Variants in ALK observed in about 807,000 individuals in gnomAD.
ALK encodes the protein ALK tyrosine kinase receptor.
Under a neutral mutation model 163.1 loss-of-function variants are expected in ALK, and 74 were observed. The observed-to-expected ratio is 0.45, with a 90% CI of 0.38 to 0.55. The LOEUF is 0.55. Among genes scored for constraint, ALK ranks in the 20% least tolerant of loss-of-function variants. ALK has a pLI of 0.00. For missense variants in ALK, 2,063 were observed against 2,105.3 expected, an observed-to-expected ratio of 0.98 and a Z score of 0.39; for synonymous variants, 960 against 843.2, an observed-to-expected ratio of 1.14 and a Z score of -2.40.
At chr2:29,320,554 G>C (rs924175807) in intron 7 of ALK, among the ~76,000 whole-genome samples, 197 bp downstream of exon 7, 10 of 152,222 alleles carry the variant, frequency 6.6e-5, no homozygotes, top group Non-Finnish European at 8.8e-5. Flanking sequence ...AACCAAAGGT[G>C]ACATCTATCT....
In ALK at chr2:29,222,264, A is replaced by G; in HGVS notation, c.3515+80T>C. Reference sequence around the variant, plus strand: ...AGGGACAACACGATTTCCCTTGGAGATATCGATCTGTTAGAAACCTCTCCA... The same window carrying G: ...AGGGACAACACGATTTCCCTTGGAGGTATCGATCTGTTAGAAACCTCTCCA... On this transcript the variant is annotated intron_variant, in intron 22 of 28. Coordinates refer to ENST00000389048, the MANE Select transcript of ALK (RefSeq NM_004304.5). The G allele has an allele frequency of 2.4e-6, 3 of 1,275,956 alleles. No homozygotes were observed. In the East Asian group the frequency reaches 7.2e-5, roughly 30 times the overall value. 79.0% of individuals were successfully genotyped at this position (1,275,956 alleles called of 1,614,324 possible).
intron 8 of ALK, among the ~76,000 whole-genome samples, chr2:29,307,333 A>G (rs1666553368): frequency 6.6e-6 from 1 of 152,234 alleles, no homozygotes; most frequent in Non-Finnish European, 1.5e-5. Context: ...ACCTGCATGA[A>G]TTCCAATAGT....
chr2:29,696,599 A>G (rs1363694427), intron 2 of ALK, among the ~76,000 whole-genome samples: 1 of 151,774 alleles, frequency 6.6e-6, no homozygotes, highest in Admixed American at 6.6e-5. Context: ...GCAGAGGAGG[A>G]TAAGGCCTGC....
intron 8 of ALK, among the ~76,000 whole-genome samples, chr2:29,307,640 G>C (rs750094682): frequency 1.3e-5 from 2 of 152,160 alleles, no homozygotes; most frequent in Non-Finnish European, 2.9e-5. Flanking sequence ...TGAGAATACT[G>C]ACTCACTGCA....
At chr2:29,572,573 G>T (rs1674406084) in intron 3 of ALK, among the ~76,000 whole-genome samples, 2 of 152,248 alleles carry the variant, frequency 1.3e-5, no homozygotes, top group South Asian at 4.2e-4. Flanking sequence ...CTATCTGGGT[G>T]GTTATTATAT....
intron 3 of ALK, among the ~76,000 whole-genome samples, chr2:29,597,834 G>A (rs934547022): frequency 6.6e-6 from 1 of 152,206 alleles, no homozygotes; most frequent in South Asian, 2.1e-4. Flanking sequence ...CGGGGCAGGT[G>A]GAGGGATATT....
chr2:29,297,051 T>C lies in ALK; in HGVS notation c.1654A>G (p.Met552Val). Residue 552 changes from methionine (M) to valine (V), a missense_variant, in exon 9 of 29, where the codon ATG (methionine) becomes GTG (valine). Physicochemically the swap from Met to Val is conservative, Grantham distance 21. Around this residue, in one of 5 missense-constraint regions of ALK, gnomAD observed 987 missense variants for 939.5 expected, o/e 1.05. Coordinates refer to ENST00000389048, the MANE Select transcript of ALK (RefSeq NM_004304.5). ...AAGACTCCACGAATGAGCCAGGACA[T>C]TCGGAGCTGTGAGGGCGAGAAGAGT... ...PIKSSPCELR[M>V]SWLIRGVLRG... 6.2e-7 allele frequency: 1 copy of C among 1,614,108 alleles called. No homozygotes were observed. The highest frequency in any genetic ancestry group is 8.5e-7 in the Non-Finnish European group (1 of 1,179,994).
intron 13 of ALK, among the ~76,000 whole-genome samples, chr2:29,237,809 T>C (rs1664422040): frequency 6.6e-6 from 1 of 152,150 alleles, no homozygotes; most frequent in Non-Finnish European, 1.5e-5. Context: ...GCTTTTGTGA[T>C]TGTCATTTCT....
At chr2:29,332,079 G>A (rs1325760849) in intron 5 of ALK, among the ~76,000 whole-genome samples, 1 of 151,832 alleles carries the variant, frequency 6.6e-6, no homozygotes, top group African/African-American at 2.4e-5. Flanking sequence ...AAGGTCAGGA[G>A]ATCAAGACCA....
Position 29,417,508 on chromosome 2 carries a change from A to C in ALK, c.1155-33649T>G, listed in dbSNP as rs371667085. ...CATCAGAGAAAGCCCTAGTGTGGAA[A>C]GGAGACCCAGAGATCCTCTGTTCTA... On this transcript the variant is annotated intron_variant, in intron 4 of 28. Coordinates refer to ENST00000389048, the MANE Select transcript of ALK (RefSeq NM_004304.5). 6.2e-4 allele frequency among the ~76,000 whole-genome samples: 95 copies of C among 152,318 alleles called. 1 individual carries two copies. In the South Asian group the frequency reaches 0.019, roughly 30 times the overall value.
chr2:29,872,998 G>T (rs1193964869), intron 1 of ALK, among the ~76,000 whole-genome samples: 1 of 152,212 alleles, frequency 6.6e-6, no homozygotes. Context: ...CTCCTCGGAA[G>T]AGTTCCAGGG....
intron 3 of ALK, among the ~76,000 whole-genome samples, chr2:29,653,323 C>A (rs1677087142): frequency 6.6e-6 from 1 of 152,080 alleles, no homozygotes; most frequent in Non-Finnish European, 1.5e-5. Context: ...GGGAAAAAGC[C>A]ACCAGTTTAT....
chr2:29,428,701 A>G (rs546718919), intron 4 of ALK, among the ~76,000 whole-genome samples: 2 of 152,124 alleles, frequency 1.3e-5, no homozygotes, highest in South Asian at 4.1e-4. Context: ...AAATAATACC[A>G]ATTATTACAA....
intron 5 of ALK, among the ~76,000 whole-genome samples, chr2:29,361,240 T>A (rs1315364289): frequency 6.6e-6 from 1 of 152,240 alleles, no homozygotes; most frequent in Non-Finnish European, 1.5e-5. Context: ...TCCACATTAT[T>A]CACCAGGGTG....
intron 4 of ALK, among the ~76,000 whole-genome samples, chr2:29,460,338 T>C (rs899238681): frequency 2.6e-5 from 4 of 152,338 alleles, no homozygotes; most frequent in African/African-American, 9.6e-5. Flanking sequence ...TTGATCATTG[T>C]TCTAAGCACA....
chr2:29,917,741 C>G (rs751368669), intron 1 of ALK, among the ~76,000 whole-genome samples: 4 of 152,234 alleles, frequency 2.6e-5, no homozygotes, highest in African/African-American at 4.8e-5. Flanking sequence ...TTTCAATAGG[C>G]TGGCTGTCTC....
intron 12 of ALK, among the ~76,000 whole-genome samples, chr2:29,245,523 G>A (rs549131350): frequency 4.8e-5 from 7 of 145,816 alleles, no homozygotes; most frequent in Admixed American, 2.0e-4. Flanking sequence ...ACATAGTAGG[G>A]GCTCCATGTC....
intron 3 of ALK, among the ~76,000 whole-genome samples, chr2:29,687,507 G>A (rs544676879): frequency 2.0e-5 from 3 of 151,524 alleles, no homozygotes; most frequent in South Asian, 2.1e-4. Flanking sequence ...GAATAGTCTC[G>A]AATGATAATT....
rs758185429 is a variant in ALK, at chr2:29,222,388, A to C, written c.3471T>G (p.Ser1157=). ...TGAGGAAATCCAGTTCGTCCTGTTC[A>C]GAGCACACTTCAGGCAGCGTCTGGG... is the stretch of plus-strand genomic sequence containing the variant. The part of the protein sequence containing the change: ...VAVKTLPEVC[S]EQDELDFLME... Residue 1157 remains serine, a synonymous_variant, in exon 22 of 29, where the codon TCT becomes TCG. Coordinates refer to ENST00000389048, the MANE Select transcript of ALK (RefSeq NM_004304.5). The C allele has an allele frequency of 6.2e-7, 1 of 1,614,138 alleles. No individual in the cohort carries two copies. Among genetic ancestry groups the C allele is most frequent in the Non-Finnish European group, 8.5e-7 (1 of 1,180,028 alleles).
Sources: allele counts gnomAD v4.1 joint callset (sites outside exome capture counted in the v4.1 genomes callset), GRCh38; gene constraint gnomAD v4.1.1; regional missense constraint gnomAD v4.1.1; transcripts MANE v1.5; gene names NCBI Gene and HGNC (gene_info 2026-07-23, HGNC 2026-07-21).